The following NANOS1 variants were observed in gnomAD, a reference collection of about 807,000 sequenced individuals.
NANOS1 encodes nanos C2HC-type zinc finger 1.
NANOS1 carries 1 observed loss-of-function variant against 1.1 expected under a neutral mutation model. That is an observed-to-expected ratio of 0.88 (90% CI 0.31 to 4.20). The LOEUF is 4.20. Among genes scored for constraint, NANOS1 ranks in the 30% most tolerant of loss-of-function variants. The pLI, the probability that NANOS1 is intolerant of heterozygous loss-of-function variation, is 0.17. For missense variants in NANOS1, 537 were observed against 457.9 expected, an observed-to-expected ratio of 1.17 and a Z score of -1.58; for synonymous variants, 252 against 230.6, an observed-to-expected ratio of 1.09 and a Z score of -0.84.
Position 119,030,359 on chromosome 10 carries a change from C to T in NANOS1, c.558C>T (p.Ala186=). The change falls in exon 1 of 1, where the codon GCC becomes GCT. Residue 186 remains alanine (A), a synonymous_variant. Coordinates refer to ENST00000425699, the MANE Select transcript of NANOS1 (RefSeq NM_199461.4). The surrounding 1 kb of genome is among the most constrained non-coding windows in gnomAD (Gnocchi z 5.3). ...AGGCGACGCCGCGCGAGGAGCGGGC[C>T]CCGGCGTGGGCGGCCGAGCCCCGGC... The part of the protein sequence containing the change: ...TSEATPREER[A]PAWAAEPRLH... The T allele has an allele frequency of 8.7e-7, 1 of 1,149,322 alleles. No individual in the cohort carries two copies. The highest frequency in any genetic ancestry group is 1.1e-6 in the Non-Finnish European group (1 of 937,726). 71.2% of individuals were successfully genotyped at this position (1,149,322 alleles called of 1,614,324 possible).
rs1232079105 is a variant in NANOS1, at chr10:119,033,539, C to T, written c.*2859C>T. On this transcript the variant is annotated 3_prime_UTR_variant, in exon 1 of 1. Coordinates refer to ENST00000425699, the MANE Select transcript of NANOS1 (RefSeq NM_199461.4). ...AAGGGCTTCTCCAACTGTAGAGGTA[C>T]AGATTGTCTTAACCTGTTCTTTTCT... 6.0e-6 allele frequency: 1 copy of T among 167,088 alleles called. No individual in the cohort carries two copies. 10.4% of individuals were successfully genotyped at this position (167,088 alleles called of 1,614,324 possible).
rs780008313 is a variant in NANOS1 at position 119,030,665 on chromosome 10, C to T, written c.864C>T (p.Gly288=). The T allele has an allele frequency of 7.3e-7, 1 of 1,365,402 alleles. No homozygotes were observed. Among genetic ancestry groups the T allele is most frequent in the East Asian group, 3.1e-5 (1 of 32,336 alleles). The allele number at this position is 1,365,402 out of a possible 1,614,324, so 84.6% of individuals were successfully genotyped here. A position where few individuals can be genotyped will look rare whatever the true frequency, so the allele number is the denominator to read the frequency against. The change falls in exon 1 of 1, where the codon GGC becomes GGT. Residue 288 remains glycine, a synonymous_variant. Transcript: ENST00000425699. This position sits in a 1 kb window ranked among gnomAD's most constrained non-coding sequence, Gnocchi z 5.3. ...PPRSARDGPP[G]KKLR Reference sequence around the variant, plus strand: ...GCAGCGCCAGGGACGGCCCGCCTGGCAAGAAGCTGCGCTGAAGGCCCGGGC... The same window carrying T: ...GCAGCGCCAGGGACGGCCCGCCTGGTAAGAAGCTGCGCTGAAGGCCCGGGC...
chr10:119,031,128 T>C lies in NANOS1; in HGVS notation c.*448T>C. ...GCTTAAAACTGGCGATTTTATGAAA[T>C]GTCGGCAAAATGACTATTTTATTGT... On this transcript the variant is annotated 3_prime_UTR_variant, in exon 1 of 1. Coordinates refer to ENST00000425699, the MANE Select transcript of NANOS1 (RefSeq NM_199461.4). The C allele has an allele frequency of 5.8e-6, 1 of 172,796 alleles. No individual in the cohort carries two copies. The allele number at this position is 172,796 out of a possible 1,614,324, so 10.7% of individuals were successfully genotyped here.
At position 119,029,781 on chromosome 10, in the gene NANOS1, CG is replaced by C; in HGVS notation, c.-20del. On this transcript the variant is annotated 5_prime_UTR_variant, in exon 1 of 1. Transcript: ENST00000425699. ...GCCCGCGCCGGCGGCGGGGAGGCGG[CG>C]CGCGGCCCGCAGCCCGCCCATGGAG... The C allele has an allele frequency of 3.0e-6, 3 of 990,604 alleles. No homozygotes were observed. The highest frequency in any genetic ancestry group is 3.6e-6 in the Non-Finnish European group (3 of 834,464). 61.4% of individuals were successfully genotyped at this position (990,604 alleles called of 1,614,324 possible).
rs932020002 is a variant in NANOS1 at position 119,031,793 on chromosome 10, A to G, written c.*1113A>G. The stretch of plus-strand genomic sequence containing the variant: ...CCACCGTGGGCTGCGTCTGACTTTA[A>G]TACAGGCAGTGCTCAAACTAGAATA... On this transcript the variant is annotated 3_prime_UTR_variant, in exon 1 of 1. Transcript: ENST00000425699. 3 of 167,100 alleles carry G rather than the reference A, an allele frequency of 1.8e-5. No homozygotes were observed. The Admixed American group carries it at 2.0e-4, about 11-fold the overall frequency. The allele number at this position is 167,100 out of a possible 1,614,324, so 10.4% of individuals were successfully genotyped here. A position where few individuals can be genotyped will look rare whatever the true frequency, so the allele number is the denominator to read the frequency against.
At position 119,033,403 on chromosome 10, in the gene NANOS1, G is replaced by C. The variant is rs953976742; in HGVS notation, c.*2723G>C. 1.2e-5 allele frequency: 2 copies of C among 167,032 alleles called. No individual in the cohort carries two copies. The highest frequency in any genetic ancestry group is 4.8e-5 in the African/African-American group (2 of 41,436). The allele number at this position is 167,032 out of a possible 1,614,324, so 10.3% of individuals were successfully genotyped here. ...TAAACATTTTGCAAAATTACATTTA[G>C]AGAAACCCAATTTTTCAAAGTTTAA... On this transcript the variant is annotated 3_prime_UTR_variant, in exon 1 of 1. Transcript: ENST00000425699.
chr10:119,031,286 T>G lies in NANOS1; in HGVS notation c.*606T>G, dbSNP rs1409274838. The stretch of plus-strand genomic sequence containing the variant: ...ACTTTCCAGTATTAATTTGGGCGGG[T>G]ATTCCCCGCTTGTGGCTTGTTTCTG... On this transcript the variant is annotated 3_prime_UTR_variant, in exon 1 of 1. Transcript: ENST00000425699. 4 of 167,092 alleles carry G rather than the reference T, an allele frequency of 2.4e-5. No individual in the cohort carries two copies. The highest frequency in any genetic ancestry group is 9.6e-5 in the African/African-American group (4 of 41,460). The allele number at this position is 167,092 out of a possible 1,614,324, so 10.4% of individuals were successfully genotyped here. A position where few individuals can be genotyped will look rare whatever the true frequency, so the allele number is the denominator to read the frequency against.
chr10:119,033,201 GAAAA>G lies in NANOS1; in HGVS notation c.*2525_*2528del, dbSNP rs1413044538. 2 of 166,954 alleles carry G rather than the reference GAAAA, an allele frequency of 1.2e-5. No homozygotes were observed. The highest frequency in any genetic ancestry group is 1.3e-4 in the Admixed American group (2 of 15,260). 10.3% of individuals were successfully genotyped at this position (166,954 alleles called of 1,614,324 possible). ...ACAGAGCGACTCTGTCTCCAAAAAA[GAAAA>G]AAAGTACCCCATGTTCAGCCCCTGT... On this transcript the variant is annotated 3_prime_UTR_variant, in exon 1 of 1. Transcript: ENST00000425699.
In NANOS1 at chr10:119,029,720, G is replaced by C. The variant is rs1848010124; in HGVS notation, c.-82G>C. 1 of 723,818 alleles carries C rather than the reference G, an allele frequency of 1.4e-6. No homozygotes were observed. The highest frequency in any genetic ancestry group is 1.7e-6 in the Non-Finnish European group (1 of 594,202). 44.8% of individuals were successfully genotyped at this position (723,818 alleles called of 1,614,324 possible). On this transcript the variant is annotated 5_prime_UTR_variant, in exon 1 of 1. Coordinates refer to ENST00000425699, the MANE Select transcript of NANOS1 (RefSeq NM_199461.4). ...GGCGCGGCGGCCCCACCCCGCGGCA[G>C]GCCGGCGGGCAGGCTCGGCGTGTCC... is the stretch of plus-strand genomic sequence containing the variant.
rs951663971 is a variant in NANOS1, at chr10:119,029,865, C to T, written c.64C>T (p.Leu22Phe). ...RRGRAPPPMA[L>F]VPSARYVSAP... is the part of the protein sequence containing the mutation. ...CGGCCGCGCCCCCCCGCCCATGGCG[C>T]TCGTGCCCAGCGCCCGCTACGTGAG... The change falls in exon 1 of 1, where the codon CTC becomes TTC. Residue 22 changes from leucine (L) to phenylalanine (F), a missense_variant. By Grantham distance (22) the Leu-to-Phe change is conservative. Transcript: ENST00000425699. The T allele has an allele frequency of 5.5e-6, 7 of 1,265,894 alleles. No homozygotes were observed. In the African/African-American group the frequency reaches 9.4e-5, roughly 17 times the overall value. The allele number at this position is 1,265,894 out of a possible 1,614,324, so 78.4% of individuals were successfully genotyped here.
Position 119,031,478 on chromosome 10 carries a change from T to TA in NANOS1, c.*805dup, listed in dbSNP as rs577553155. The TA allele has an allele frequency of 9.1e-4, 152 of 167,200 alleles. No homozygotes were observed. The highest frequency in any genetic ancestry group is 3.5e-3 in the African/African-American group (147 of 41,580). 10.4% of individuals were successfully genotyped at this position (167,200 alleles called of 1,614,324 possible). On this transcript the variant is annotated 3_prime_UTR_variant, in exon 1 of 1. Transcript: ENST00000425699. ...TGTATAACTTGGAAATGGTGCTGTT[T>TA]AAAAAAATTGTGTATTTATACAGTA...
rs1753372838 is a variant in NANOS1 at position 119,030,265 on chromosome 10, C to T, written c.464C>T (p.Ala155Val). The T allele has an allele frequency of 2.4e-6, 3 of 1,233,320 alleles. No homozygotes were observed. The highest frequency in any genetic ancestry group is 2.0e-6 in the Non-Finnish European group (2 of 989,886). 76.4% of individuals were successfully genotyped at this position (1,233,320 alleles called of 1,614,324 possible). A position where few individuals can be genotyped will look rare whatever the true frequency, so the allele number is the denominator to read the frequency against. ...EERFAELSPF[A>V]GRAAAVLLGC... ...CGCTTCGCCGAGCTGAGCCCGTTCG[C>T]GGGTCGTGCCGCCGCCGTGCTGCTG... Residue 155 changes from alanine (A) to valine (V), a missense_variant, in exon 1 of 1, where the codon GCG (alanine) becomes GTG (valine). Coordinates refer to ENST00000425699, the MANE Select transcript of NANOS1 (RefSeq NM_199461.4). This position sits in a 1 kb window ranked among gnomAD's most constrained non-coding sequence, Gnocchi z 5.3.
In NANOS1 at chr10:119,029,854, C is replaced by G. The variant is rs757643633; in HGVS notation, c.53C>G (p.Pro18Arg). Residue 18 changes from proline (P) to arginine (R), a missense_variant, in exon 1 of 1, where the codon CCG (proline) becomes CGG (arginine). Pro to Arg is a moderately radical substitution (Grantham distance 103). Coordinates refer to ENST00000425699, the MANE Select transcript of NANOS1 (RefSeq NM_199461.4). ...PRSPRRGRAP[P>R]PMALVPSARY... Reference sequence around the variant, plus strand: ...TCGCCCCGCCGCGGCCGCGCCCCCCCGCCCATGGCGCTCGTGCCCAGCGCC... The same window carrying G: ...TCGCCCCGCCGCGGCCGCGCCCCCCGGCCCATGGCGCTCGTGCCCAGCGCC... The G allele has an allele frequency of 8.1e-7, 1 of 1,230,904 alleles. No homozygotes were observed. The highest frequency in any genetic ancestry group is 1.6e-5 in the African/African-American group (1 of 63,018). The allele number at this position is 1,230,904 out of a possible 1,614,324, so 76.2% of individuals were successfully genotyped here.
Position 119,030,122 on chromosome 10 carries a change from G to C in NANOS1, c.321G>C (p.Glu107Asp), listed in dbSNP as rs1271258022. Residue 107 changes from glutamate (E) to aspartate (D), a missense_variant, in exon 1 of 1, where the codon GAG (glutamate) becomes GAC (aspartate). By Grantham distance (45) the Glu-to-Asp change is conservative. Transcript: ENST00000425699. This position sits in a 1 kb window ranked among gnomAD's most constrained non-coding sequence, Gnocchi z 5.3. Reference protein sequence around the residue: ...GPALGPPDYDEDDDDDSDEPG... With the variant: ...GPALGPPDYDDDDDDDSDEPG... ...CGCTGGGGCCGCCCGACTACGACGA[G>C]GACGACGACGACGACAGCGACGAGC... 5 of 1,337,480 alleles carry C rather than the reference G, an allele frequency of 3.7e-6. No individual in the cohort carries two copies. In the African/African-American group the frequency reaches 7.7e-5, roughly 21 times the overall value. 82.9% of individuals were successfully genotyped at this position (1,337,480 alleles called of 1,614,324 possible).
chr10:119,030,796 AC>A lies in NANOS1; in HGVS notation c.*117del, dbSNP rs1848036156. The A allele has an allele frequency of 8.2e-7, 1 of 1,220,776 alleles. No individual in the cohort carries two copies. The highest frequency in any genetic ancestry group is 1.0e-6 in the Non-Finnish European group (1 of 970,564). 75.6% of individuals were successfully genotyped at this position (1,220,776 alleles called of 1,614,324 possible). A position where few individuals can be genotyped will look rare whatever the true frequency, so the allele number is the denominator to read the frequency against. ...GGCTCAGCGGTCGGCTCGACATGGGACGTCGTCCTGGTGGTTTTTGAAAAGC... is the reference window on the plus strand; with the variant it reads ...GGCTCAGCGGTCGGCTCGACATGGGAGTCGTCCTGGTGGTTTTTGAAAAGC... On this transcript the variant is annotated 3_prime_UTR_variant, in exon 1 of 1. Transcript: ENST00000425699. The surrounding 1 kb of genome is among the most constrained non-coding windows in gnomAD (Gnocchi z 5.3).
rs934616094 is a variant in NANOS1 at position 119,029,996 on chromosome 10, C to T, written c.195C>T (p.Cys65=). The change falls in exon 1 of 1, where the codon TGC becomes TGT. Residue 65 remains cysteine, a synonymous_variant. Coordinates refer to ENST00000425699, the MANE Select transcript of NANOS1 (RefSeq NM_199461.4). ...KAVDGEPRFG[C]ARGGNGGGGS... ...TGGACGGCGAGCCGCGCTTCGGCTGCGCCCGCGGTGGGAACGGCGGCGGCG... is the reference window on the plus strand; with the variant it reads ...TGGACGGCGAGCCGCGCTTCGGCTGTGCCCGCGGTGGGAACGGCGGCGGCG... The T allele has an allele frequency of 7.8e-6, 11 of 1,414,770 alleles. No homozygotes were observed. The East Asian group carries it at 1.9e-4, about 24-fold the overall frequency. The allele number at this position is 1,414,770 out of a possible 1,614,324, so 87.6% of individuals were successfully genotyped here. A position where few individuals can be genotyped will look rare whatever the true frequency, so the allele number is the denominator to read the frequency against.
Position 119,030,481 on chromosome 10 carries a change from A to G in NANOS1, c.680A>G (p.Tyr227Cys). ...CRNNKEAMAL[Y>C]TTHILKGPDG... is the part of the protein sequence containing the mutation. ...AACAACAAGGAGGCGATGGCGCTCT[A>G]CACCACCCATATCCTCAAGGGCCCC... Residue 227 changes from tyrosine (Y) to cysteine (C), a missense_variant, in exon 1 of 1, where the codon TAC becomes TGC. By Grantham distance (194) the Tyr-to-Cys change is radical. Transcript: ENST00000425699. This position sits in a 1 kb window ranked among gnomAD's most constrained non-coding sequence, Gnocchi z 5.3. 6.6e-7 allele frequency: 1 copy of G among 1,508,172 alleles called. No homozygotes were observed. The highest frequency in any genetic ancestry group is 8.8e-7 in the Non-Finnish European group (1 of 1,130,816). The allele number at this position is 1,508,172 out of a possible 1,614,324, so 93.4% of individuals were successfully genotyped here.
Position 119,030,364 on chromosome 10 carries a change from C to T in NANOS1, c.563C>T (p.Ala188Val). The part of the protein sequence containing the change: ...EATPREERAP[A>V]WAAEPRLHAA... ...ACGCCGCGCGAGGAGCGGGCCCCGG[C>T]GTGGGCGGCCGAGCCCCGGCTGCAC... Residue 188 changes from alanine to valine, a missense_variant, in exon 1 of 1, where the codon GCG (alanine) becomes GTG (valine). Physicochemically the swap from Ala to Val is moderately conservative, Grantham distance 64 (BLOSUM62 0). Coordinates refer to ENST00000425699, the MANE Select transcript of NANOS1 (RefSeq NM_199461.4). The surrounding 1 kb of genome is among the most constrained non-coding windows in gnomAD (Gnocchi z 5.3). The T allele has an allele frequency of 1.7e-6, 2 of 1,156,580 alleles. No homozygotes were observed. Among genetic ancestry groups the T allele is most frequent in the Non-Finnish European group, 2.1e-6 (2 of 942,120 alleles). 71.6% of individuals were successfully genotyped at this position (1,156,580 alleles called of 1,614,324 possible). A position where few individuals can be genotyped will look rare whatever the true frequency, so the allele number is the denominator to read the frequency against.
In NANOS1 at chr10:119,030,010, A is replaced by ACGGCGG; in HGVS notation, c.217_222dup (p.Gly73_Gly74dup). ...CGCTTCGGCTGCGCCCGCGGTGGGA[A>ACGGCGG]CGGCGGCGGCGGCTCCCCGCCCTCC... On this transcript the variant is annotated inframe_insertion, in exon 1 of 1. Coordinates refer to ENST00000425699, the MANE Select transcript of NANOS1 (RefSeq NM_199461.4). The surrounding 1 kb of genome is among the most constrained non-coding windows in gnomAD (Gnocchi z 5.3). The ACGGCGG allele has an allele frequency of 7.1e-7, 1 of 1,405,288 alleles. No homozygotes were observed. The highest frequency in any genetic ancestry group is 1.5e-5 in the South Asian group (1 of 67,612). The allele number at this position is 1,405,288 out of a possible 1,614,324, so 87.1% of individuals were successfully genotyped here. A position where few individuals can be genotyped will look rare whatever the true frequency, so the allele number is the denominator to read the frequency against.
Sources: allele counts gnomAD v4.1 joint callset, GRCh38; gene constraint gnomAD v4.1.1; non-coding constraint Gnocchi (gnomAD v3.1); transcripts MANE v1.5; gene names NCBI Gene and HGNC (gene_info 2026-07-23, HGNC 2026-07-21).